TLL2: variants seen among roughly 807,000 people sequenced by gnomAD.
TLL2 encodes tolloid like 2.
TLL2 carries 106 observed loss-of-function variants against 123.0 expected under a neutral mutation model. The observed-to-expected ratio is 0.86, with a 90% CI of 0.74 to 1.01. The LOEUF (loss-of-function observed/expected upper bound fraction) is 1.01, where lower values mean the gene tolerates loss of function less well. Among genes scored for constraint, TLL2 ranks in the 50% least tolerant of loss-of-function variants. The probability of loss-of-function intolerance (pLI) is 0.00; values close to 1 mark genes in which losing one functional copy is unlikely to be tolerated. For missense variants in TLL2, 1,332 were observed against 1,336.7 expected, an observed-to-expected ratio of 1.00 and a Z score of 0.06; for synonymous variants, 494 against 516.8, an observed-to-expected ratio of 0.96 and a Z score of 0.60.
At chr10:96,448,348 C>T (rs559304112) in intron 2 of TLL2, among the ~76,000 whole-genome samples, 24 of 152,346 alleles carry the variant, frequency 1.6e-4, no homozygotes, top group Admixed American at 7.8e-4. Context: ...CAGCAGCAGA[C>T]AAATGTACCA....
chr10:96,503,043 T>C (rs1847549485), intron 1 of TLL2, among the ~76,000 whole-genome samples: 2 of 152,270 alleles, frequency 1.3e-5, no homozygotes, highest in South Asian at 4.2e-4. Context: ...CAGAACCGTA[T>C]TATGAGCAGG....
At chr10:96,445,966 G>A in intron 3 of TLL2, 125 bp downstream of exon 3, 2 of 955,426 alleles carry the variant, frequency 2.1e-6, no homozygotes, top group East Asian at 2.4e-5. Context: ...TGGTTACATA[G>A]CATTGTGAAT....
intron 1 of TLL2, among the ~76,000 whole-genome samples, chr10:96,481,052 G>A (rs576555801): frequency 2.7e-4 from 41 of 152,312 alleles, no homozygotes; most frequent in African/African-American, 9.4e-4. Context: ...CTAGGTTCTG[G>A]AATAAAGATG....
chr10:96,374,486 C>T (rs1695553183), intron 18 of TLL2: 2 of 152,432 alleles, frequency 1.3e-5, no homozygotes, highest in Non-Finnish European at 2.9e-5. Flanking sequence ...CTGCTCCAGG[C>T]AGCACCCTCA....
intron 3 of TLL2, among the ~76,000 whole-genome samples, chr10:96,443,921 G>C (rs906402421): frequency 6.6e-6 from 1 of 152,182 alleles, no homozygotes; most frequent in African/African-American, 2.4e-5. Flanking sequence ...AACAAATGCA[G>C]ATTAGTTACA....
intron 3 of TLL2, 37 bp downstream of exon 3, chr10:96,446,054 A>T (rs1846894886): frequency 1.2e-6 from 2 of 1,606,672 alleles, no homozygotes; most frequent in Non-Finnish European, 1.7e-6. Context: ...CTGAAAGAAA[A>T]CAAGGTACCC....
At chr10:96,459,021 A>G (rs924682308) in intron 2 of TLL2, among the ~76,000 whole-genome samples, 14 of 152,224 alleles carry the variant, frequency 9.2e-5, no homozygotes, top group African/African-American at 2.9e-4. Context: ...TTTAATAGGA[A>G]ATGTGTATAA....
At chr10:96,404,100 T>G (rs111537579) in intron 10 of TLL2, among the ~76,000 whole-genome samples, 5,077 of 149,916 alleles carry the variant, frequency 0.034, 143 homozygotes, top group Middle Eastern at 0.079. Flanking sequence ...AAAAACTGAG[T>G]GAACTCAGAG....
intron 2 of TLL2, among the ~76,000 whole-genome samples, chr10:96,470,534 C>T (rs1220474170): frequency 6.6e-6 from 1 of 152,212 alleles, no homozygotes; most frequent in Non-Finnish European, 1.5e-5. Flanking sequence ...CATAAGCCTG[C>T]AAAACACATC....
intron 2 of TLL2, among the ~76,000 whole-genome samples, chr10:96,446,499 C>T (rs372011219): frequency 3.8e-5 from 5 of 132,408 alleles, no homozygotes; most frequent in Admixed American, 7.9e-5. Flanking sequence ...ACGCGCCCCC[C>T]ACCTCCATAA....
At chr10:96,406,924 C>T (rs1846457091) in intron 9 of TLL2, among the ~76,000 whole-genome samples, 2 of 152,050 alleles carry the variant, frequency 1.3e-5, no homozygotes, top group South Asian at 4.2e-4. Flanking sequence ...ATATCCGCAT[C>T]CCTCCCCTCT....
intron 5 of TLL2, among the ~76,000 whole-genome samples, chr10:96,428,200 T>G (rs1195111527): frequency 6.6e-6 from 1 of 152,264 alleles, no homozygotes; most frequent in African/African-American, 2.4e-5. Flanking sequence ...GTCATTTTAT[T>G]ACATATTATG....
In TLL2 at chr10:96,367,425, G is replaced by C. The variant is rs991339872; in HGVS notation, c.*663C>G. 1.3e-5 allele frequency: 2 copies of C among 152,192 alleles called. No individual in the cohort carries two copies. Among genetic ancestry groups the C allele is most frequent in the African/African-American group, 4.8e-5 (2 of 41,436 alleles). The allele number at this position is 152,192 out of a possible 1,614,324, so 9.4% of individuals were successfully genotyped here. A position where few individuals can be genotyped will look rare whatever the true frequency, so the allele number is the denominator to read the frequency against. ...CCTTAGCCCCCACTGCAATTAGGGA[G>C]GGGGGGAAACCAAAGGGACAAGGAG... On this transcript the variant is annotated 3_prime_UTR_variant, in exon 21 of 21. Coordinates refer to ENST00000357947, the MANE Select transcript of TLL2 (RefSeq NM_012465.4).
intron 2 of TLL2, among the ~76,000 whole-genome samples, chr10:96,455,111 G>A (rs775302244): frequency 5.3e-5 from 8 of 152,100 alleles, no homozygotes; most frequent in South Asian, 2.1e-4. Context: ...GCATGGTGGC[G>A]GGTGCCTATA....
chr10:96,449,013 G>C (rs1374461122), intron 2 of TLL2, among the ~76,000 whole-genome samples: 1 of 152,188 alleles, frequency 6.6e-6, no homozygotes, highest in African/African-American at 2.4e-5. Flanking sequence ...GAGACCAAGT[G>C]CCCCCCAGTG....
intron 19 of TLL2, among the ~76,000 whole-genome samples, chr10:96,371,597 G>T (rs1846085446): frequency 6.6e-6 from 1 of 152,212 alleles, no homozygotes; most frequent in Non-Finnish European, 1.5e-5. Flanking sequence ...ATGTCTTACA[G>T]GTCTAACCTG....
At chr10:96,500,161 T>TCTCTACAAAAAAAAAAAAAAAAAA (rs1847521050) in intron 1 of TLL2, among the ~76,000 whole-genome samples, 3 of 68,156 alleles carry the variant, frequency 4.4e-5, no homozygotes, top group Admixed American at 4.1e-4. Context: ...AAAAAAAAAA[T>TCTCTACAAAAAAAAAAAAAAAAAA]ACAAAAATTA....
intron 1 of TLL2, among the ~76,000 whole-genome samples, chr10:96,493,143 C>T (rs1232314162): frequency 1.3e-5 from 2 of 152,162 alleles, no homozygotes; most frequent in South Asian, 2.1e-4. Context: ...ACAGCAAACC[C>T]GTGCAATGTG....
intron 16 of TLL2, among the ~76,000 whole-genome samples, chr10:96,383,324 G>A (rs2134056418): frequency 6.6e-6 from 1 of 152,346 alleles, no homozygotes; most frequent in East Asian, 1.9e-4. Flanking sequence ...TGGTTTGGCA[G>A]TGTCCCTACC....
Sources: allele counts gnomAD v4.1 joint callset (sites outside exome capture counted in the v4.1 genomes callset), GRCh38; gene constraint gnomAD v4.1.1; transcripts MANE v1.5; gene names NCBI Gene and HGNC (gene_info 2026-07-23, HGNC 2026-07-21).